The following ST6GAL1 variants were observed in gnomAD, a reference collection of about 807,000 sequenced individuals.
ST6GAL1 encodes beta-galactoside alpha-2,6-sialyltransferase 1.
ST6GAL1 carries 20 observed loss-of-function variants against 38.0 expected under a neutral mutation model. The ratio of observed to expected loss-of-function variants is 0.53; its 90% CI spans 0.37 to 0.77. ST6GAL1 has a LOEUF of 0.77. ST6GAL1 is among the 30% of genes least tolerant of loss of function. The pLI, the probability that ST6GAL1 is intolerant of heterozygous loss-of-function variation, is 0.00. For missense variants in ST6GAL1, 432 were observed against 496.4 expected (o/e 0.87, Z 1.23); for synonymous variants, 196 against 188.2 (o/e 1.04, Z -0.34).
At chr3:187,048,541 C>G (rs1383574492) in intron 4 of ST6GAL1, among the ~76,000 whole-genome samples, 1 of 152,154 alleles carries the variant, frequency 6.6e-6, no homozygotes. Flanking sequence ...CACAGCTCAG[C>G]TTGTTAGTGT....
In ST6GAL1 at chr3:187,009,208, G is replaced by C. The variant is rs1716878926; in HGVS notation, c.-182-29534G>C. Among the ~76,000 whole-genome samples the C allele has an allele frequency of 2.0e-5, 3 of 151,120 alleles. No individual in the cohort carries two copies. In the South Asian group the frequency reaches 6.2e-4, roughly 31 times the overall value. ...CAATCTATATTGTGAGCATTTTCCT[G>C]TTTTGTTAAAAAGTCAATAATTAAA... On this transcript the variant is annotated intron_variant, in intron 2 of 7. Transcript: ENST00000169298.
intron 2 of ST6GAL1, among the ~76,000 whole-genome samples, chr3:186,968,026 C>T (rs1715209880): frequency 6.6e-6 from 1 of 152,196 alleles, no homozygotes; most frequent in South Asian, 2.1e-4. Context: ...TCTCCTGCAG[C>T]CCCAGCCCCT....
intron 2 of ST6GAL1, among the ~76,000 whole-genome samples, chr3:186,967,638 ACTGC>A (rs1715193578): frequency 6.6e-6 from 1 of 152,172 alleles, no homozygotes; most frequent in African/African-American, 2.4e-5. Context: ...TTGGGGAGGC[ACTGC>A]TACGTGGAGG....
At chr3:186,997,704 C>A (rs545240881) in intron 2 of ST6GAL1, among the ~76,000 whole-genome samples, 1 of 152,090 alleles carries the variant, frequency 6.6e-6, no homozygotes, top group Non-Finnish European at 1.5e-5. Context: ...CTGCAGTGAG[C>A]CGCAACGGAA....
intron 2 of ST6GAL1, among the ~76,000 whole-genome samples, chr3:186,991,774 G>T (rs985585103): frequency 6.6e-5 from 10 of 152,082 alleles, no homozygotes; most frequent in African/African-American, 2.4e-4. Context: ...CCACTGCTGG[G>T]GGCAGAGGTG....
rs111420836 is a variant in ST6GAL1 at position 187,000,783 on chromosome 3, G to C, written c.-183+36857G>C. 1.6e-3 allele frequency among the ~76,000 whole-genome samples: 236 copies of C among 152,220 alleles called. 2 individuals are homozygous for C. The highest frequency in any genetic ancestry group is 5.4e-3 in the African/African-American group (223 of 41,518). ...TCTTTTCTGTTTTTCAACTATTGTT[G>C]GTTGTTCTGAGGTATTTTCGTAAGG... On this transcript the variant is annotated intron_variant, in intron 2 of 7. Coordinates refer to ENST00000169298, the MANE Select transcript of ST6GAL1 (RefSeq NM_173216.2).
chr3:186,953,163 T>C (rs1714637629), intron 1 of ST6GAL1, among the ~76,000 whole-genome samples: 1 of 152,212 alleles, frequency 6.6e-6, no homozygotes, highest in South Asian at 2.1e-4. Flanking sequence ...AGAGTGATCA[T>C]TTTAAAAGCT....
chr3:186,967,464 T>C (rs1262539314), intron 2 of ST6GAL1, among the ~76,000 whole-genome samples: 1 of 152,214 alleles, frequency 6.6e-6, no homozygotes, highest in African/African-American at 2.4e-5. Context: ...AGTGCCGGGA[T>C]TACAAGTGTG....
chr3:187,011,738 T>C (rs1716962748), intron 2 of ST6GAL1, among the ~76,000 whole-genome samples: 1 of 152,248 alleles, frequency 6.6e-6, no homozygotes, highest in Non-Finnish European at 1.5e-5. Flanking sequence ...TTACCTATTT[T>C]ATTTCTGTAA....
intron 7 of ST6GAL1, among the ~76,000 whole-genome samples, chr3:187,074,959 A>C (rs559928878): frequency 1.3e-5 from 2 of 152,324 alleles, no homozygotes; most frequent in South Asian, 4.1e-4. Context: ...TGCAGAGTTT[A>C]TTGGAACAAT....
chr3:186,961,821 G>A (rs1714945033), intron 1 of ST6GAL1, among the ~76,000 whole-genome samples: 1 of 152,302 alleles, frequency 6.6e-6, no homozygotes, highest in African/African-American at 2.4e-5. Context: ...GGGAGAGATG[G>A]AGAGTGGAGT....
chr3:187,045,076 C>T (rs1174237247), intron 4 of ST6GAL1, among the ~76,000 whole-genome samples: 1 of 152,176 alleles, frequency 6.6e-6, no homozygotes, highest in Non-Finnish European at 1.5e-5. Flanking sequence ...TTGCAGGCAG[C>T]GTGCCAGGCC....
At chr3:186,935,190 G>A (rs909939170) in intron 1 of ST6GAL1, among the ~76,000 whole-genome samples, 17 of 151,934 alleles carry the variant, frequency 1.1e-4, no homozygotes, top group African/African-American at 3.6e-4. Flanking sequence ...CCTGGTGTCT[G>A]TCGTTTCCCC....
At chr3:186,934,217 C>T (rs180830585) in intron 1 of ST6GAL1, among the ~76,000 whole-genome samples, 30 of 152,316 alleles carry the variant, frequency 2.0e-4, no homozygotes, top group African/African-American at 7.0e-4. Context: ...TTGGGGTCAT[C>T]TTCCTGTCTC....
intron 2 of ST6GAL1, among the ~76,000 whole-genome samples, chr3:187,021,204 C>T (rs1314605271): frequency 6.6e-6 from 1 of 152,054 alleles, no homozygotes; most frequent in Non-Finnish European, 1.5e-5. Flanking sequence ...CCTCGTGATC[C>T]ACCTGCCTTG....
chr3:187,076,753 T>A lies in ST6GAL1; in HGVS notation c.*950T>A. 2 of 398,736 alleles carry A rather than the reference T, an allele frequency of 5.0e-6. No homozygotes were observed. Among genetic ancestry groups the A allele is most frequent in the African/African-American group, 4.1e-5 (2 of 48,758 alleles). The allele number at this position is 398,736 out of a possible 1,614,324, so 24.7% of individuals were successfully genotyped here. A position where few individuals can be genotyped will look rare whatever the true frequency, so the allele number is the denominator to read the frequency against. On this transcript the variant is annotated 3_prime_UTR_variant, in exon 8 of 8. Transcript: ENST00000169298. ...TTCTTCCCATGTTTATTTTCTAAGA[T>A]CTACCTGAACTTAGAGACTCAAGAT... is the stretch of plus-strand genomic sequence containing the variant.
intron 2 of ST6GAL1, among the ~76,000 whole-genome samples, chr3:187,011,055 A>G (rs1338358123): frequency 2.0e-5 from 3 of 152,162 alleles, no homozygotes; most frequent in East Asian, 1.9e-4. Flanking sequence ...CGTTTTCTCT[A>G]ACTTGGTCAA....
intron 1 of ST6GAL1, among the ~76,000 whole-genome samples, chr3:186,931,982 T>C (rs1478225149): frequency 1.3e-5 from 2 of 152,200 alleles, no homozygotes; most frequent in Non-Finnish European, 2.9e-5. Flanking sequence ...AGCGGGGAGA[T>C]GGTTTCGCGG....
At chr3:187,032,418 G>A (rs1389227526) in intron 2 of ST6GAL1, among the ~76,000 whole-genome samples, 1 of 152,190 alleles carries the variant, frequency 6.6e-6, no homozygotes, top group Non-Finnish European at 1.5e-5. Flanking sequence ...AGGGGGCTAA[G>A]AAAGAGCCTC....
Sources: allele counts gnomAD v4.1 joint callset (sites outside exome capture counted in the v4.1 genomes callset), GRCh38; gene constraint gnomAD v4.1.1; transcripts MANE v1.5; gene names NCBI Gene and HGNC (gene_info 2026-07-23, HGNC 2026-07-21).